Variants in CA10 observed in about 807,000 individuals in gnomAD.
CA10 encodes carbonic anhydrase-related protein 10.
CA10 carries 14 observed loss-of-function variants against 44.2 expected under a neutral mutation model. The ratio of observed to expected loss-of-function variants is 0.32; its 90% CI spans 0.21 to 0.50. The LOEUF is 0.50. Ranked by LOEUF, CA10 falls within the 20% of genes least tolerant of loss-of-function variation. The probability of loss-of-function intolerance (pLI) is 0.99; values close to 1 mark genes in which losing one functional copy is unlikely to be tolerated. For synonymous variants in CA10, 159 were observed against 141.6 expected (o/e 1.12, Z -0.87); for missense variants, 350 against 409.7 (o/e 0.85, Z 1.26).
At chr17:51,726,597 T>C (rs1916530485) in intron 4 of CA10, among the ~76,000 whole-genome samples, 1 of 152,158 alleles carries the variant, frequency 6.6e-6, no homozygotes, top group African/African-American at 2.4e-5. Context: ...AAAATATATA[T>C]AAAAAAATCT....
intron 2 of CA10, among the ~76,000 whole-genome samples, chr17:51,949,314 C>T (rs1983397901): frequency 6.6e-6 from 1 of 152,074 alleles, no homozygotes; most frequent in Non-Finnish European, 1.5e-5. Context: ...TAACTAAAAC[C>T]AACTCACAGA....
At chr17:51,721,781 G>A (rs35632251) in intron 4 of CA10, among the ~76,000 whole-genome samples, 3,935 of 152,206 alleles carry the variant, frequency 0.026, 64 homozygotes, top group Non-Finnish European at 0.043. Flanking sequence ...AGACGGTGGT[G>A]CACCCAAAGA....
chr17:51,973,863 T>C lies in CA10; in HGVS notation c.137-42731A>G, dbSNP rs191308648. 3.5e-4 allele frequency among the ~76,000 whole-genome samples: 54 copies of C among 152,140 alleles called. No homozygotes were observed. In the South Asian group the frequency reaches 3.9e-3, roughly 11 times the overall value. On this transcript the variant is annotated intron_variant, in intron 2 of 8. Transcript: ENST00000451037. ...ACTACTAGAATGTGAAGCAGGAAAA[T>C]ATGACACATAATTGGGAAGTATAAT... is the stretch of plus-strand genomic sequence containing the variant.
chr17:51,695,935 G>C (rs1915388363), intron 4 of CA10, among the ~76,000 whole-genome samples: 1 of 152,018 alleles, frequency 6.6e-6, no homozygotes, highest in African/African-American at 2.4e-5. Flanking sequence ...TATGGTTTTT[G>C]TTTTTAATTC....
chr17:51,915,358 G>C (rs550846936), intron 3 of CA10, among the ~76,000 whole-genome samples: 20 of 152,158 alleles, frequency 1.3e-4, no homozygotes, highest in Admixed American at 2.0e-4. Flanking sequence ...ACCTCTGAAA[G>C]GTGATCAACA....
intron 3 of CA10, among the ~76,000 whole-genome samples, chr17:51,798,332 T>C (rs1386766422): frequency 2.6e-5 from 4 of 152,240 alleles, no homozygotes; most frequent in African/African-American, 9.6e-5. Context: ...AATGTATGAA[T>C]ACTGTTGTGC....
intron 2 of CA10, among the ~76,000 whole-genome samples, chr17:51,971,171 C>G (rs1386105575): frequency 6.6e-6 from 1 of 152,002 alleles, no homozygotes; most frequent in Non-Finnish European, 1.5e-5. Flanking sequence ...AGTCTCAAAC[C>G]ACTCCATATT....
intron 3 of CA10, among the ~76,000 whole-genome samples, chr17:51,904,722 C>T (rs763016033): frequency 2.0e-5 from 3 of 152,030 alleles, no homozygotes; most frequent in Non-Finnish European, 4.4e-5. Context: ...CTAATCTATC[C>T]CTAAGCCCCT....
chr17:51,634,311 C>T (rs1460794118), intron 7 of CA10, among the ~76,000 whole-genome samples: 1 of 152,192 alleles, frequency 6.6e-6, no homozygotes, highest in East Asian at 1.9e-4. Context: ...CAAATAAATG[C>T]TTTTTCTAAG....
chr17:52,025,299 G>T lies in CA10; in HGVS notation c.136+47020C>A, dbSNP rs12602734. On this transcript the variant is annotated intron_variant, in intron 2 of 8. Coordinates refer to ENST00000451037, the MANE Select transcript of CA10 (RefSeq NM_020178.5). Reference sequence around the variant, plus strand: ...GTGACATAGGACATGCCTCCACCTGGGTTCTACTCCACTTTCCCTCATACA... The same window carrying T: ...GTGACATAGGACATGCCTCCACCTGTGTTCTACTCCACTTTCCCTCATACA... Among the ~76,000 whole-genome samples the T allele has an allele frequency of 3.9e-5, 6 of 152,098 alleles. No individual in the cohort carries two copies. In the East Asian group the frequency reaches 1.2e-3, roughly 30 times the overall value.
intron 3 of CA10, among the ~76,000 whole-genome samples, chr17:51,806,072 G>A (rs1468362304): frequency 1.3e-5 from 2 of 152,226 alleles, no homozygotes; most frequent in African/African-American, 4.8e-5. Context: ...AGTAGAGCAA[G>A]AGTCAGGGTC....
At chr17:51,681,366 G>A (rs1914839201) in intron 4 of CA10, among the ~76,000 whole-genome samples, 1 of 152,204 alleles carries the variant, frequency 6.6e-6, no homozygotes, top group African/African-American at 2.4e-5. Flanking sequence ...GCTGCTGTTG[G>A]CATCAGAATA....
intron 2 of CA10, among the ~76,000 whole-genome samples, chr17:52,066,073 C>A (rs1188715349): frequency 2.0e-5 from 3 of 152,136 alleles, no homozygotes; most frequent in African/African-American, 7.2e-5. Flanking sequence ...AACTATGAGT[C>A]AATTAAACTT....
chr17:51,923,228 T>A (rs1982299762), intron 3 of CA10, among the ~76,000 whole-genome samples: 1 of 152,136 alleles, frequency 6.6e-6, no homozygotes. Context: ...GGCAACACAT[T>A]TAGATGACAA....
intron 1 of CA10, among the ~76,000 whole-genome samples, chr17:52,143,106 A>T (rs1989516094): frequency 6.6e-6 from 1 of 152,304 alleles, no homozygotes; most frequent in Admixed American, 6.5e-5. Flanking sequence ...ATTAATAATA[A>T]AATATTTGTA....
intron 2 of CA10, among the ~76,000 whole-genome samples, chr17:52,024,441 A>C (rs772282807): frequency 1.6e-4 from 24 of 151,946 alleles, no homozygotes; most frequent in Non-Finnish European, 3.1e-4. Flanking sequence ...GTACTAGGGC[A>C]ATGTGACCTC....
chr17:51,682,601 C>T (rs927966210), intron 4 of CA10, among the ~76,000 whole-genome samples: 6 of 152,114 alleles, frequency 3.9e-5, no homozygotes, highest in Non-Finnish European at 7.3e-5. Flanking sequence ...AAAAACCCAG[C>T]GGATTCCTTC....
intron 3 of CA10, among the ~76,000 whole-genome samples, chr17:51,750,923 C>T (rs959096590): frequency 6.6e-6 from 1 of 152,200 alleles, no homozygotes; most frequent in Non-Finnish European, 1.5e-5. Flanking sequence ...ACATTTTATG[C>T]TTGTGTGAAT....
At chr17:52,081,526 C>A (rs560573055) in intron 1 of CA10, among the ~76,000 whole-genome samples, 1 of 152,074 alleles carries the variant, frequency 6.6e-6, no homozygotes, top group Non-Finnish European at 1.5e-5. Flanking sequence ...AGCGGCCGGG[C>A]GCGGTGGCTC....
Sources: gnomAD v4.1 joint callset for allele counts (sites outside exome capture counted in the v4.1 genomes callset) on GRCh38, gnomAD v4.1.1 for gene constraint, MANE v1.5 for transcripts, NCBI Gene and HGNC (gene_info 2026-07-23, HGNC 2026-07-21) for gene names.